Variants in NOTCH2NLC observed in about 807,000 individuals in gnomAD.
The protein encoded by NOTCH2NLC is notch homolog 2 N-terminal-like protein C.
A neutral mutation model predicts 17.7 loss-of-function variants in NOTCH2NLC; 4 were observed. That is an observed-to-expected ratio of 0.23 (90% CI 0.11 to 0.52). NOTCH2NLC has a LOEUF of 0.52. NOTCH2NLC is among the 20% of genes least tolerant of loss of function. The pLI is 0.96. For missense variants in NOTCH2NLC, 57 were observed against 207.2 expected (o/e 0.28, Z 4.45); for synonymous variants, 18 against 86.0 (o/e 0.21, Z 4.38).
intron 3 of NOTCH2NLC, among the ~76,000 whole-genome samples, chr1:149,460,665 AT>A (rs1311887665): frequency 2.0e-5 from 3 of 147,650 alleles, no homozygotes; most frequent in Non-Finnish European, 4.5e-5. Context: ...TACATATGCT[AT>A]TTTTGTCTAT....
intron 2 of NOTCH2NLC, among the ~76,000 whole-genome samples, chr1:149,449,212 G>A (rs1483800428): frequency 6.6e-6 from 1 of 150,938 alleles, no homozygotes; most frequent in Admixed American, 6.6e-5. Context: ...TCTAAGCTTC[G>A]AGTTCCTCAT....
intron 3 of NOTCH2NLC, among the ~76,000 whole-genome samples, chr1:149,463,255 A>G (rs1296060015): frequency 1.3e-5 from 2 of 148,208 alleles, no homozygotes; most frequent in African/African-American, 2.5e-5. Context: ...CTAACCTACA[A>G]TTGCCTCCAG....
intron 2 of NOTCH2NLC, among the ~76,000 whole-genome samples, chr1:149,440,215 C>CT (rs1432535819): frequency 3.3e-5 from 5 of 149,474 alleles, no homozygotes; most frequent in African/African-American, 4.9e-5. Flanking sequence ...GTTAGATGGA[C>CT]TCTGAAGCAC....
At chr1:149,395,804 A>T (rs2084202717) in intron 1 of NOTCH2NLC, among the ~76,000 whole-genome samples, 2 of 148,092 alleles carry the variant, frequency 1.4e-5, no homozygotes, top group African/African-American at 5.0e-5. Flanking sequence ...ACATTTAGTA[A>T]AGTATATTTG....
intron 2 of NOTCH2NLC, 21 bp downstream of exon 2, chr1:149,431,036 A>G: frequency 3.2e-6 from 1 of 309,138 alleles, no homozygotes; most frequent in Non-Finnish European, 5.6e-6. Flanking sequence ...CTCTTCATAT[A>G]TTTTCTTTTT....
rs2084156967 is a variant in NOTCH2NLC at position 149,390,801 on chromosome 1, CA to C, written c.15del (p.Gly6AlafsTer49). 1.1e-5 allele frequency: 3 copies of C among 285,328 alleles called. No individual in the cohort carries two copies. The highest frequency in any genetic ancestry group is 1.4e-5 in the Non-Finnish European group (3 of 215,002). 17.7% of individuals were successfully genotyped at this position (285,328 alleles called of 1,614,324 possible). Reference sequence around the variant, plus strand: ...GACCCCCTCCCCATGTGGATCTGCCCAGGCGGCGGCGGCGGCGGCGGCGGCG... The same window carrying C: ...GACCCCCTCCCCATGTGGATCTGCCCGGCGGCGGCGGCGGCGGCGGCGGCG... The part of the protein sequence containing the change: MWIC[P>X]GGGGGGGGGG... On this transcript the variant is annotated frameshift_variant, in exon 1 of 5. Coordinates refer to ENST00000650865, the MANE Select transcript of NOTCH2NLC (RefSeq NM_001364013.2). LOFTEE classifies it high-confidence loss of function.
intron 2 of NOTCH2NLC, among the ~76,000 whole-genome samples, chr1:149,449,924 A>G (rs2084582034): frequency 6.7e-6 from 1 of 149,088 alleles, no homozygotes; most frequent in South Asian, 2.1e-4. Context: ...TTCACTTAGC[A>G]TGTTTTCAAG....
intron 2 of NOTCH2NLC, among the ~76,000 whole-genome samples, chr1:149,437,620 C>T (rs1219340234): frequency 1.7e-5 from 2 of 116,922 alleles, no homozygotes; most frequent in Non-Finnish European, 3.6e-5. Context: ...CCCGCCACCA[C>T]GCCCGGCTAA....
rs1329580076 is a variant in NOTCH2NLC at position 149,461,676 on chromosome 1, T to C, written c.470-1815T>C. On this transcript the variant is annotated intron_variant, in intron 3 of 4. Transcript: ENST00000650865. ...TAAATCGTGCTGCTATAAAGACACA[T>C]GCACACGTATGTTTCTTGCGGCACT... Among the ~76,000 whole-genome samples the C allele has an allele frequency of 1.3e-5, 2 of 151,366 alleles. 1 individual carries two copies. The highest frequency in any genetic ancestry group is 3.0e-5 in the Non-Finnish European group (2 of 67,718).
chr1:149,471,495 G>T lies in NOTCH2NLC; in HGVS notation c.*7342G>T. Among the ~76,000 whole-genome samples the T allele has an allele frequency of 6.6e-6, 1 of 150,640 alleles. No individual in the cohort carries two copies. The highest frequency in any genetic ancestry group is 1.5e-5 in the Non-Finnish European group (1 of 67,530). Reference sequence around the variant, plus strand: ...GAGTTAATTTTTATGTGCAAGGAGGGAGTCTAACTTGATTCTTTTACATGT... The same window carrying T: ...GAGTTAATTTTTATGTGCAAGGAGGTAGTCTAACTTGATTCTTTTACATGT... On this transcript the variant is annotated 3_prime_UTR_variant, in exon 5 of 5. Transcript: ENST00000650865.
Position 149,390,707 on chromosome 1 carries a change from G to C in NOTCH2NLC, c.-81G>C, listed in dbSNP as rs1290677225. 8.0e-7 allele frequency: 1 copy of C among 1,249,076 alleles called. No individual in the cohort carries two copies. Among genetic ancestry groups the C allele is most frequent in the South Asian group, 2.2e-5 (1 of 45,812 alleles). The allele number at this position is 1,249,076 out of a possible 1,614,324, so 77.4% of individuals were successfully genotyped here. ...TCGAGGCATTTGCGCCTGTGCTTCGGACCGTAGCGCCAGGGCCTGAGCCTT... is the reference window on the plus strand; with the variant it reads ...TCGAGGCATTTGCGCCTGTGCTTCGCACCGTAGCGCCAGGGCCTGAGCCTT... On this transcript the variant is annotated 5_prime_UTR_variant, in exon 1 of 5. Transcript: ENST00000650865.
At chr1:149,462,797 TAGGG>T (rs1162278709) in intron 3 of NOTCH2NLC, among the ~76,000 whole-genome samples, 6 of 149,194 alleles carry the variant, frequency 4.0e-5, no homozygotes, top group African/African-American at 1.5e-4. Flanking sequence ...GTTGCCAAGA[TAGGG>T]AGAGTTCACT....
rs2084702035 is a variant in NOTCH2NLC, at chr1:149,468,988, G to A, written c.*4835G>A. ...TTTTTTTTTTTTTTTTTTTTGAGACGGAGCATCGCTCTTTCTCCCAGGCTG... is the reference window on the plus strand; with the variant it reads ...TTTTTTTTTTTTTTTTTTTTGAGACAGAGCATCGCTCTTTCTCCCAGGCTG... On this transcript the variant is annotated 3_prime_UTR_variant, in exon 5 of 5. Transcript: ENST00000650865. Among the ~76,000 whole-genome samples the A allele has an allele frequency of 1.0e-5, 1 of 98,708 alleles. No individual in the cohort carries two copies. The highest frequency in any genetic ancestry group is 1.2e-4 in the Admixed American group (1 of 8,482). 64.8% of individuals were successfully genotyped at this position (98,708 alleles called of 152,430 possible).
chr1:149,435,538 G>A (rs2084477059), intron 2 of NOTCH2NLC, among the ~76,000 whole-genome samples: 1 of 147,582 alleles, frequency 6.8e-6, no homozygotes, highest in African/African-American at 2.5e-5. Flanking sequence ...AGTGGAAAGT[G>A]TGAGGGGCCT....
At chr1:149,441,029 C>T (rs2084516145) in intron 2 of NOTCH2NLC, among the ~76,000 whole-genome samples, 1 of 150,792 alleles carries the variant, frequency 6.6e-6, no homozygotes, top group Admixed American at 6.6e-5. Flanking sequence ...GATTCTTATA[C>T]TTCTACCAGA....
At chr1:149,429,334 A>G (rs1338283094) in intron 1 of NOTCH2NLC, among the ~76,000 whole-genome samples, 5 of 149,890 alleles carry the variant, frequency 3.3e-5, no homozygotes, top group Non-Finnish European at 7.4e-5. Flanking sequence ...CAATCCTGAG[A>G]AATTTCAGGT....
chr1:149,447,181 G>T (rs2084559541), intron 2 of NOTCH2NLC, among the ~76,000 whole-genome samples: 3 of 150,264 alleles, frequency 2.0e-5, no homozygotes, highest in Non-Finnish European at 4.5e-5. Flanking sequence ...GGATTTGCAA[G>T]TTGAAAGATC....
chr1:149,436,731 G>A (rs1291645770), intron 2 of NOTCH2NLC, among the ~76,000 whole-genome samples: 18 of 150,228 alleles, frequency 1.2e-4, no homozygotes, highest in African/African-American at 4.4e-4. Context: ...AGCTGAAACT[G>A]GTTCTGCCAG....
chr1:149,424,740 G>T (rs1462545383), intron 1 of NOTCH2NLC, among the ~76,000 whole-genome samples: 1 of 151,234 alleles, frequency 6.6e-6, no homozygotes, highest in Non-Finnish European at 1.5e-5. Flanking sequence ...TTTGCATATT[G>T]TACAAGAAGT....
Sources: allele counts gnomAD v4.1 joint callset (sites outside exome capture counted in the v4.1 genomes callset), GRCh38; gene constraint gnomAD v4.1.1; transcripts MANE v1.5; gene names NCBI Gene and HGNC (gene_info 2026-07-23, HGNC 2026-07-21).